Variants in ZFP57 observed in about 807,000 individuals in gnomAD.
The protein encoded by ZFP57 is ZFP57 zinc finger protein, also known as zinc finger protein 57 homolog.
A neutral mutation model predicts 15.8 loss-of-function variants in ZFP57; 12 were observed. The ratio of observed to expected loss-of-function variants is 0.76; its 90% CI spans 0.49 to 1.23. The LOEUF (loss-of-function observed/expected upper bound fraction) is 1.23. Ranked by LOEUF, ZFP57 falls within the 50% of genes most tolerant of loss-of-function variation. ZFP57 has a pLI of 0.00. For synonymous variants in ZFP57, 203 were observed against 242.3 expected (o/e 0.84, Z 1.51); for missense variants, 536 against 654.9 (o/e 0.82, Z 1.98).
At chr6:29,680,020 G>A (rs995205433) in intron 1 of ZFP57, among the ~76,000 whole-genome samples, 1 of 152,190 alleles carries the variant, frequency 6.6e-6, no homozygotes, top group African/African-American at 2.4e-5. Flanking sequence ...GCTGGAGGCG[G>A]TAGGCAGAGG....
chr6:29,678,777 T>A (rs1772194520), intron 1 of ZFP57, among the ~76,000 whole-genome samples: 1 of 152,174 alleles, frequency 6.6e-6, no homozygotes, highest in Non-Finnish European at 1.5e-5. Flanking sequence ...CTATTCATGG[T>A]TTCAAAGTAT....
At chr6:29,675,173 A>AAAG (rs1772006570) in intron 4 of ZFP57, among the ~76,000 whole-genome samples, 16 of 104,972 alleles carry the variant, frequency 1.5e-4, no homozygotes, top group Non-Finnish European at 1.8e-4. Context: ...AAAAAAAAAA[A>AAAG]AGAGAGAGAG....
intron 1 of ZFP57, among the ~76,000 whole-genome samples, chr6:29,678,727 G>A (rs543051623): frequency 6.6e-6 from 1 of 152,268 alleles, no homozygotes; most frequent in East Asian, 1.9e-4. Flanking sequence ...TATTATGTAT[G>A]TATAGAAAAA....
At position 29,673,661 on chromosome 6, in the gene ZFP57, C is replaced by T. The variant is rs1322433624; in HGVS notation, c.450G>A (p.Gln150=). The change falls in exon 5 of 5, where the codon CAG becomes CAA. Residue 150 remains glutamine, a synonymous_variant. Coordinates refer to ENST00000376883, the MANE Select transcript of ZFP57 (RefSeq NM_001109809.5). The surrounding 1 kb of genome is among the most constrained non-coding windows in gnomAD (Gnocchi z 4.7). The stretch of plus-strand genomic sequence containing the variant: ...TCCCAGCTGGGGCAGATAGGGGGCA[C>T]TGGCCGGCCCCTCTGCATGCAAGGA... ...KVFLACRGAG[Q]CPLSAPAGTM... The T allele has an allele frequency of 1.2e-6, 2 of 1,612,848 alleles. No individual in the cohort carries two copies. Among genetic ancestry groups the T allele is most frequent in the East Asian group, 2.2e-5 (1 of 44,892 alleles).
At chr6:29,677,819 A>C (rs1193991290) in intron 1 of ZFP57, among the ~76,000 whole-genome samples, 1 of 147,160 alleles carries the variant, frequency 6.8e-6, no homozygotes, top group Non-Finnish European at 1.5e-5. Flanking sequence ...TGGATTTTCA[A>C]TACATGTAGT....
At chr6:29,680,134 A>G (rs1772268402) in intron 1 of ZFP57, among the ~76,000 whole-genome samples, 1 of 151,976 alleles carries the variant, frequency 6.6e-6, no homozygotes, top group Admixed American at 6.6e-5. Context: ...CAGGGCCCCA[A>G]ACCTCATGCC....
At chr6:29,676,102 A>ATGTGTGTGTG (rs9280638) in intron 2 of ZFP57, 43 bp from the exon 3 acceptor site, 215 of 1,266,444 alleles carry the variant, frequency 1.7e-4, no homozygotes, top group South Asian at 1.5e-4. Context: ...ATAAATATAT[A>ATGTGTGTGTG]TGTGTGTGTG....
Position 29,677,123 on chromosome 6 carries a change from CA to C in ZFP57, c.-121del. ...TAACTGGGCAGATGGAGAGGCCCAGCAAAGGCCCCAGGGTTTGATGTGGCTT... is the reference window on the plus strand; with the variant it reads ...TAACTGGGCAGATGGAGAGGCCCAGCAAGGCCCCAGGGTTTGATGTGGCTT... On this transcript the variant is annotated 5_prime_UTR_variant, in exon 2 of 5. Coordinates refer to ENST00000376883, the MANE Select transcript of ZFP57 (RefSeq NM_001109809.5). 7.0e-7 allele frequency: 1 copy of C among 1,436,314 alleles called. No individual in the cohort carries two copies. Among genetic ancestry groups the C allele is most frequent in the Non-Finnish European group, 9.7e-7 (1 of 1,027,620 alleles). The allele number at this position is 1,436,314 out of a possible 1,614,324, so 89.0% of individuals were successfully genotyped here.
intron 1 of ZFP57, among the ~76,000 whole-genome samples, chr6:29,679,369 C>T (rs1281987197): frequency 6.6e-6 from 1 of 152,182 alleles, no homozygotes; most frequent in Non-Finnish European, 1.5e-5. Flanking sequence ...ACTGAAAATA[C>T]CAGCAAGGAA....
intron 1 of ZFP57, among the ~76,000 whole-genome samples, chr6:29,679,749 T>G (rs1008242498): frequency 2.1e-4 from 32 of 152,272 alleles, no homozygotes; most frequent in African/African-American, 7.5e-4. Context: ...CCCGGCGTGG[T>G]GGCGCATGCC....
chr6:29,679,902 CA>C (rs1420519920), intron 1 of ZFP57, among the ~76,000 whole-genome samples: 1 of 90,858 alleles, frequency 1.1e-5, no homozygotes, highest in Non-Finnish European at 2.2e-5. Context: ...AACAAACAAA[CA>C]AACAAACAAA....
In ZFP57 at chr6:29,673,353, T is replaced by C. The variant is rs1173982165; in HGVS notation, c.758A>G (p.His253Arg). Reference protein sequence around the residue: ...ASGLSRHRRVHLGYRPHSCSV... With the variant: ...ASGLSRHRRVRLGYRPHSCSV... Reference sequence around the variant, plus strand: ...GCATGAATGGGGCCGGTAACCCAGATGGACGCGGCGGTGACGACTTAGTCC... The same window carrying C: ...GCATGAATGGGGCCGGTAACCCAGACGGACGCGGCGGTGACGACTTAGTCC... Residue 253 changes from histidine to arginine, a missense_variant, in exon 5 of 5, where the codon CAT becomes CGT. By Grantham distance (29) the His-to-Arg change is conservative (BLOSUM62 0). Transcript: ENST00000376883. The surrounding 1 kb of genome is among the most constrained non-coding windows in gnomAD (Gnocchi z 4.7). 6 of 1,612,920 alleles carry C rather than the reference T, an allele frequency of 3.7e-6. No individual in the cohort carries two copies. Among genetic ancestry groups the C allele is most frequent in the Non-Finnish European group, 5.1e-6 (6 of 1,180,042 alleles).
intron 1 of ZFP57, among the ~76,000 whole-genome samples, chr6:29,679,124 T>A (rs1315139768): frequency 6.6e-6 from 1 of 152,220 alleles, no homozygotes. Flanking sequence ...TGAAGAATAC[T>A]GCTAACAACC....
At position 29,675,401 on chromosome 6, in the gene ZFP57, T is replaced by C. The variant is rs765144886; in HGVS notation, c.337A>G (p.Thr113Ala). The change falls in exon 4 of 5, where the codon ACA (threonine) becomes GCA (alanine). Residue 113 changes from threonine to alanine, a missense_variant. Coordinates refer to ENST00000376883, the MANE Select transcript of ZFP57 (RefSeq NM_001109809.5). ...CAATTCTTACCTGAAAGGCCTTCTGTGTTTGGGAGATGGACAAACTCTCTC... is the reference window on the plus strand; with the variant it reads ...CAATTCTTACCTGAAAGGCCTTCTGCGTTTGGGAGATGGACAAACTCTCTC... ...QWREFVHLPN[T>A]EGLSEGKKKE... 7 of 1,613,896 alleles carry C rather than the reference T, an allele frequency of 4.3e-6. No homozygotes were observed. In the East Asian group the frequency reaches 1.6e-4, roughly 36 times the overall value.
Position 29,673,796 on chromosome 6 carries a change from T to C in ZFP57, c.353-38A>G, listed in dbSNP as rs1282003968. 1 of 1,611,760 alleles carries C rather than the reference T, an allele frequency of 6.2e-7. No individual in the cohort carries two copies. The highest frequency in any genetic ancestry group is 1.1e-5 in the South Asian group (1 of 91,066). ...AGGAAGAATAACACAAAATTCACTG[T>C]AAGAACTCCAACAGAGGCTTGGCAT... On this transcript the variant is annotated intron_variant, in intron 4 of 4. Coordinates refer to ENST00000376883, the MANE Select transcript of ZFP57 (RefSeq NM_001109809.5). This position sits in a 1 kb window ranked among gnomAD's most constrained non-coding sequence, Gnocchi z 4.7.
intron 1 of ZFP57, 130 bp downstream of exon 1, chr6:29,680,931 AG>A (rs1420423843): frequency 6.9e-6 from 1 of 145,464 alleles, no homozygotes; most frequent in Non-Finnish European, 1.5e-5. Context: ...AGGACCCCAG[AG>A]GTTGGAAGCC....
At chr6:29,675,831 G>A in intron 3 of ZFP57, 102 bp downstream of exon 3, 1 of 1,422,162 alleles carries the variant, frequency 7.0e-7, no homozygotes, top group Non-Finnish European at 9.9e-7. Flanking sequence ...TAGAACCAGG[G>A]GTCAGTGAAA....
chr6:29,673,138 G>A lies in ZFP57; in HGVS notation c.973C>T (p.Pro325Ser), dbSNP rs749499233. The A allele has an allele frequency of 1.1e-5, 17 of 1,612,864 alleles. No individual in the cohort carries two copies. Among genetic ancestry groups the A allele is most frequent in the Non-Finnish European group, 1.4e-5 (16 of 1,180,012 alleles). Residue 325 changes from proline (P) to serine (S), a missense_variant, in exon 5 of 5, where the codon CCA becomes TCA. Transcript: ENST00000376883. The surrounding 1 kb of genome is among the most constrained non-coding windows in gnomAD (Gnocchi z 4.7). ...IQGLLDVNHAPVARSQEPIFR... is the reference protein window; with the variant it reads ...IQGLLDVNHASVARSQEPIFR... ...ATGGGTTCCTGGGACCTGGCCACTG[G>A]TGCATGGTTCACATCCAAAAGCCCC...
rs1400331837 is a variant in ZFP57, at chr6:29,676,897, T to A, written c.107A>T (p.Glu36Val). 6.2e-7 allele frequency: 1 copy of A among 1,614,044 alleles called. No individual in the cohort carries two copies. Among genetic ancestry groups the A allele is most frequent in the African/African-American group, 1.3e-5 (1 of 74,932 alleles). Residue 36 changes from glutamate to valine, a missense_variant, in exon 2 of 5, where the codon GAG becomes GTG. Coordinates refer to ENST00000376883, the MANE Select transcript of ZFP57 (RefSeq NM_001109809.5). ...QEAMKRDCWREARVKKKPVTF... is the reference protein window; with the variant it reads ...QEAMKRDCWRVARVKKKPVTF... ...TCTCCTCACCTTCTTCACCCGTGCC[T>A]CCCTCCAGCAATCTCTCTTCATGGC...
Sources: allele counts gnomAD v4.1 joint callset (sites outside exome capture counted in the v4.1 genomes callset), GRCh38; gene constraint gnomAD v4.1.1; non-coding constraint Gnocchi (gnomAD v3.1); transcripts MANE v1.5; gene names NCBI Gene and HGNC (gene_info 2026-07-23, HGNC 2026-07-21).